The following ADGRL3 variants were observed in gnomAD, a reference collection of about 807,000 sequenced individuals.
ADGRL3 encodes calcium-independent alpha-latrotoxin receptor 3.
Under a neutral mutation model 153.5 loss-of-function variants are expected in ADGRL3, and 62 were observed. That is an observed-to-expected ratio of 0.40 (90% CI 0.33 to 0.50). The LOEUF is 0.50. Ranked by LOEUF, ADGRL3 falls within the 20% of genes least tolerant of loss-of-function variation. The pLI, the probability that ADGRL3 is intolerant of heterozygous loss-of-function variation, is 0.47. For missense variants in ADGRL3, 1,641 were observed against 1,859.4 expected, an observed-to-expected ratio of 0.88 and a Z score of 2.16; for synonymous variants, 710 against 672.5, an observed-to-expected ratio of 1.06 and a Z score of -0.86.
Position 62,070,930 on chromosome 4 carries a change from C to A in ADGRL3, c.*22C>A. On this transcript the variant is annotated 3_prime_UTR_variant, in exon 27 of 27. Coordinates refer to ENST00000683033, the MANE Select transcript of ADGRL3 (RefSeq NM_001387552.1). ...ATAGAAGATGACACAGAAATTGGAA[C>A]CAACAAAACTGCTAACACCTTGTTG... 1 of 1,517,268 alleles carries A rather than the reference C, an allele frequency of 6.6e-7. No homozygotes were observed. The highest frequency in any genetic ancestry group is 8.9e-7 in the Non-Finnish European group (1 of 1,127,710). The allele number at this position is 1,517,268 out of a possible 1,614,324, so 94.0% of individuals were successfully genotyped here.
intron 1 of ADGRL3, among the ~76,000 whole-genome samples, chr4:61,230,522 G>T (rs888614641): frequency 2.6e-5 from 4 of 151,972 alleles, no homozygotes; most frequent in Non-Finnish European, 5.9e-5. Context: ...TGATTTGGGG[G>T]TTATGTTATT....
chr4:61,888,573 G>A (rs1449931562), intron 9 of ADGRL3, among the ~76,000 whole-genome samples: 2 of 152,156 alleles, frequency 1.3e-5, no homozygotes, highest in African/African-American at 2.4e-5. Flanking sequence ...CAGAGCCTGC[G>A]GTAGTCTTAC....
chr4:61,959,503 G>A (rs552545396), intron 17 of ADGRL3, among the ~76,000 whole-genome samples: 2 of 151,728 alleles, frequency 1.3e-5, no homozygotes, highest in East Asian at 3.9e-4. Context: ...TCCAAGTATG[G>A]GCCTTTATTT....
At chr4:61,205,890 T>C (rs1736915948) in intron 1 of ADGRL3, among the ~76,000 whole-genome samples, 1 of 152,212 alleles carries the variant, frequency 6.6e-6, no homozygotes, top group Non-Finnish European at 1.5e-5. Flanking sequence ...AAATCTTGAA[T>C]GTCATTACTC....
chr4:62,034,786 G>T (rs958438640), intron 23 of ADGRL3, among the ~76,000 whole-genome samples: 1 of 151,840 alleles, frequency 6.6e-6, no homozygotes, highest in Non-Finnish European at 1.5e-5. Context: ...TATGGATTGT[G>T]TAAACAGTTT....
intron 6 of ADGRL3, among the ~76,000 whole-genome samples, chr4:61,728,687 G>C (rs978021867): frequency 6.6e-6 from 1 of 151,982 alleles, no homozygotes; most frequent in Non-Finnish European, 1.5e-5. Flanking sequence ...GCTATCTAAG[G>C]CTATTTCAAG....
intron 4 of ADGRL3, among the ~76,000 whole-genome samples, chr4:61,572,524 T>C (rs952794626): frequency 1.3e-5 from 2 of 152,088 alleles, no homozygotes; most frequent in African/African-American, 4.8e-5. Context: ...GCGTATAAAT[T>C]TAAAAGTAAT....
Position 61,892,796 on chromosome 4 carries a change from G to T in ADGRL3, c.1621G>T (p.Ala541Ser), listed in dbSNP as rs535869784. ...RNRSTSTPSP[A>S]VEVLDDMTTH... is the part of the protein sequence containing the mutation. ...CCGGAGTACTAGTACCCCATCTCCA[G>T]CTGTCGAGGTACTTGATGACATGAC... The change falls in exon 10 of 27, where the codon GCT becomes TCT. Residue 541 changes from alanine to serine, a missense_variant. This residue lies in a region of ADGRL3 where 734 missense variants were observed against 797.0 expected (regional missense o/e 0.92). Coordinates refer to ENST00000683033, the MANE Select transcript of ADGRL3 (RefSeq NM_001387552.1). 1 of 1,613,874 alleles carries T rather than the reference G, an allele frequency of 6.2e-7. No individual in the cohort carries two copies. The highest frequency in any genetic ancestry group is 2.2e-5 in the East Asian group (1 of 44,844).
chr4:61,754,774 C>A (rs543724481), intron 8 of ADGRL3, among the ~76,000 whole-genome samples: 10 of 152,288 alleles, frequency 6.6e-5, no homozygotes, highest in Non-Finnish European at 1.3e-4. Context: ...CCCCCCTCCC[C>A]CCACACCAAA....
At chr4:61,834,614 A>G (rs1250308573) in intron 9 of ADGRL3, among the ~76,000 whole-genome samples, 1 of 152,136 alleles carries the variant, frequency 6.6e-6, no homozygotes, top group Non-Finnish European at 1.5e-5. Context: ...AAGGCCATCA[A>G]GGGCTTTGGC....
At chr4:61,908,747 CAAAG>C (rs1346956223) in intron 11 of ADGRL3, among the ~76,000 whole-genome samples, 3 of 151,866 alleles carry the variant, frequency 2.0e-5, no homozygotes, top group Non-Finnish European at 4.4e-5. Context: ...AATTTTAAAA[CAAAG>C]AAGATTATAA....
At chr4:61,741,270 T>G (rs2096577805) in intron 8 of ADGRL3, among the ~76,000 whole-genome samples, 1 of 152,222 alleles carries the variant, frequency 6.6e-6, no homozygotes, top group Non-Finnish European at 1.5e-5. Context: ...AAACTTGTCC[T>G]CAGCCTAGGG....
At chr4:61,452,298 G>C (rs751463985) in intron 2 of ADGRL3, among the ~76,000 whole-genome samples, 2 of 152,114 alleles carry the variant, frequency 1.3e-5, no homozygotes, top group Non-Finnish European at 2.9e-5. Flanking sequence ...TGTTATACTC[G>C]TAACAGTTCA....
At chr4:61,299,939 CTTAT>C in intron 1 of ADGRL3, among the ~76,000 whole-genome samples, 1 of 152,194 alleles carries the variant, frequency 6.6e-6, no homozygotes, top group East Asian at 1.9e-4. Context: ...CACTTACTGT[CTTAT>C]TTATTATCAG....
intron 5 of ADGRL3, among the ~76,000 whole-genome samples, chr4:61,603,062 G>A (rs78529666): frequency 0.011 from 1,661 of 152,124 alleles, 27 homozygotes; most frequent in African/African-American, 0.038. Context: ...AATAATATTC[G>A]TAGATTTTTA....
chr4:61,975,489 C>A (rs2099044760), intron 17 of ADGRL3, among the ~76,000 whole-genome samples: 1 of 152,140 alleles, frequency 6.6e-6, no homozygotes, highest in African/African-American at 2.4e-5. Flanking sequence ...CACAGGGGTG[C>A]AGTTCTTAGG....
intron 1 of ADGRL3, among the ~76,000 whole-genome samples, chr4:61,277,489 CTCT>C (rs2093521426): frequency 1.3e-5 from 2 of 151,958 alleles, no homozygotes; most frequent in Non-Finnish European, 2.9e-5. Flanking sequence ...TATTTAAATA[CTCT>C]TTTTTTGGTC....
chr4:61,700,742 G>T (rs1004082036), intron 6 of ADGRL3, among the ~76,000 whole-genome samples: 4 of 152,148 alleles, frequency 2.6e-5, no homozygotes, highest in African/African-American at 7.2e-5. Context: ...TTACTTGTTG[G>T]ATTTAGTCAT....
chr4:61,218,797 C>A (rs1275922759), intron 1 of ADGRL3, among the ~76,000 whole-genome samples: 1 of 152,146 alleles, frequency 6.6e-6, no homozygotes, highest in Non-Finnish European at 1.5e-5. Context: ...GTTAGAGAAC[C>A]TGGAACATAA....
Sources: allele counts gnomAD v4.1 joint callset (sites outside exome capture counted in the v4.1 genomes callset), GRCh38; gene constraint gnomAD v4.1.1; regional missense constraint gnomAD v4.1.1; transcripts MANE v1.5; gene names NCBI Gene and HGNC (gene_info 2026-07-23, HGNC 2026-07-21).